Variants in DPP6 observed in about 807,000 individuals in gnomAD.
DPP6 encodes A-type potassium channel modulatory protein DPP6.
A neutral mutation model predicts 122.6 loss-of-function variants in DPP6; 69 were observed. The observed-to-expected ratio is 0.56, with a 90% CI of 0.46 to 0.69. The LOEUF (loss-of-function observed/expected upper bound fraction) is 0.69, where lower values mean the gene tolerates loss of function less well. DPP6 is among the 30% of genes least tolerant of loss of function. DPP6 has a pLI of 0.00. For missense variants in DPP6, 928 were observed against 1,116.9 expected (o/e 0.83, Z 2.41); for synonymous variants, 418 against 433.1 (o/e 0.97, Z 0.43).
intron 7 of DPP6, among the ~76,000 whole-genome samples, chr7:154,724,220 A>G (rs546165261): frequency 6.6e-6 from 1 of 152,094 alleles, no homozygotes; most frequent in Admixed American, 6.5e-5. Flanking sequence ...ACCAACATAG[A>G]CCATCTCCCC....
chr7:154,489,936 G>T (rs1824132816), intron 3 of DPP6, among the ~76,000 whole-genome samples: 1 of 152,158 alleles, frequency 6.6e-6, no homozygotes, highest in Non-Finnish European at 1.5e-5. Context: ...ACCGACATGT[G>T]CATTCATTTT....
chr7:154,523,910 T>C (rs2130007865), intron 3 of DPP6, among the ~76,000 whole-genome samples: 1 of 152,338 alleles, frequency 6.6e-6, no homozygotes, highest in Non-Finnish European at 1.5e-5. Flanking sequence ...TGTGGGATAA[T>C]ATCCCATTAA....
chr7:153,934,392 T>A (rs1696572883), intron 1 of DPP6, among the ~76,000 whole-genome samples: 1 of 152,022 alleles, frequency 6.6e-6, no homozygotes, highest in South Asian at 2.1e-4. Flanking sequence ...GATAATAAAA[T>A]AACAGTGTGG....
chr7:154,219,005 G>T (rs953625618), intron 1 of DPP6, among the ~76,000 whole-genome samples: 1 of 152,154 alleles, frequency 6.6e-6, no homozygotes, highest in East Asian at 1.9e-4. Flanking sequence ...TTCCCAGAAT[G>T]GGCCTGTCTT....
intron 4 of DPP6, among the ~76,000 whole-genome samples, chr7:154,563,462 C>A (rs1481251964): frequency 1.3e-5 from 2 of 152,174 alleles, no homozygotes; most frequent in Admixed American, 6.5e-5. Context: ...ATGGCCCTGG[C>A]CGCCTGGGAA....
intron 7 of DPP6, among the ~76,000 whole-genome samples, chr7:154,701,319 G>T (rs1053338399): frequency 5.3e-5 from 8 of 152,220 alleles, no homozygotes; most frequent in African/African-American, 1.9e-4. Context: ...GTGGTCCAGT[G>T]CTGTGCCCAG....
chr7:154,839,773 G>C (rs1353437435), intron 16 of DPP6, among the ~76,000 whole-genome samples: 1 of 152,138 alleles, frequency 6.6e-6, no homozygotes, highest in African/African-American at 2.4e-5. Context: ...ACGCAGGAAC[G>C]AGGAGTCCAG....
chr7:154,183,301 A>T (rs534534777), intron 1 of DPP6, among the ~76,000 whole-genome samples: 1 of 152,304 alleles, frequency 6.6e-6, no homozygotes, highest in Non-Finnish European at 1.5e-5. Flanking sequence ...GTGTTCATTC[A>T]CTGCTTCTAA....
At chr7:153,935,699 A>C (rs1801402370) in intron 1 of DPP6, among the ~76,000 whole-genome samples, 1 of 152,148 alleles carries the variant, frequency 6.6e-6, no homozygotes, top group Non-Finnish European at 1.5e-5. Context: ...GCAGAGGCAC[A>C]GGGGCCCCTG....
chr7:154,686,032 A>G (rs1839576713), intron 7 of DPP6, among the ~76,000 whole-genome samples: 1 of 152,220 alleles, frequency 6.6e-6, no homozygotes, highest in Non-Finnish European at 1.5e-5. Context: ...AGGTTGGGAC[A>G]TACTAACTTG....
chr7:154,377,631 G>A (rs953868286), intron 1 of DPP6, among the ~76,000 whole-genome samples: 1 of 151,966 alleles, frequency 6.6e-6, no homozygotes, highest in Non-Finnish European at 1.5e-5. Context: ...TTCCCCCTTC[G>A]CTCTCTCTCA....
intron 1 of DPP6, among the ~76,000 whole-genome samples, chr7:154,351,967 G>A (rs950420756): frequency 2.0e-5 from 3 of 152,042 alleles, no homozygotes; most frequent in African/African-American, 7.2e-5. Context: ...TCCCAGCAGG[G>A]CACTGGCCGA....
chr7:153,858,449 G>A, the DPP6 span, among the ~76,000 whole-genome samples: 1 of 152,150 alleles, frequency 6.6e-6, no homozygotes, highest in Non-Finnish European at 1.5e-5. Context: ...CTCAAGACGG[G>A]ACTCTTGTTC....
chr7:154,859,740 A>C lies in DPP6; in HGVS notation c.1714+5913A>C, dbSNP rs117967604. Among the ~76,000 whole-genome samples the C allele has an allele frequency of 8.9e-3, 1,362 of 152,328 alleles. 7 individuals carry two copies. Among genetic ancestry groups the C allele is most frequent in the Middle Eastern group, 0.02 (6 of 294 alleles). On this transcript the variant is annotated intron_variant, in intron 17 of 25. Coordinates refer to ENST00000377770, the MANE Select transcript of DPP6 (RefSeq NM_130797.4). ...TTGGTGCCTGGATATTCAAACAAAC[A>C]ACTTAGGTACTGGGATAAAAAAACC...
chr7:154,570,040 C>A (rs117812565), intron 5 of DPP6, among the ~76,000 whole-genome samples: 2 of 151,976 alleles, frequency 1.3e-5, no homozygotes, highest in East Asian at 3.9e-4. Flanking sequence ...AGAGTAGTTC[C>A]GTATGTATAC....
intron 5 of DPP6, chr7:154,587,611 A>G: frequency 6.6e-7 from 1 of 1,517,272 alleles, no homozygotes; most frequent in Non-Finnish European, 8.9e-7. Flanking sequence ...AATGGAATTG[A>G]GCTTTCTAAA....
At chr7:154,455,676 C>T (rs1281031851) in intron 2 of DPP6, among the ~76,000 whole-genome samples, 1 of 152,126 alleles carries the variant, frequency 6.6e-6, no homozygotes, top group African/African-American at 2.4e-5. Flanking sequence ...CTAGGTGCAT[C>T]TCGCTTATTT....
chr7:154,264,998 A>T (rs62650438), intron 1 of DPP6, among the ~76,000 whole-genome samples: 940 of 11,612 alleles, frequency 0.081, 393 homozygotes, highest in Middle Eastern at 0.15. Flanking sequence ...GATAATGGTG[A>T]TGATAATGAT....
chr7:153,914,000 G>A (rs1800199401), intron 1 of DPP6, among the ~76,000 whole-genome samples: 1 of 152,172 alleles, frequency 6.6e-6, no homozygotes, highest in Non-Finnish European at 1.5e-5. Context: ...ACTGAAAACT[G>A]ACTTATTTGG....
Sources: allele counts gnomAD v4.1 joint callset (sites outside exome capture counted in the v4.1 genomes callset), GRCh38; gene constraint gnomAD v4.1.1; transcripts MANE v1.5; gene names NCBI Gene and HGNC (gene_info 2026-07-23, HGNC 2026-07-21).